ROBO1: variants seen among roughly 807,000 people sequenced by gnomAD.
ROBO1 encodes roundabout guidance receptor 1, also known as roundabout homolog 1.
A neutral mutation model predicts 195.9 loss-of-function variants in ROBO1; 149 were observed. The observed-to-expected ratio is 0.76, with a 90% confidence interval of 0.67 to 0.87. The LOEUF (loss-of-function observed/expected upper bound fraction) is 0.87, where lower values mean the gene tolerates loss of function less well. Ranked by LOEUF, ROBO1 falls within the 40% of genes least tolerant of loss-of-function variation. The pLI is 0.00. For synonymous variants in ROBO1, 816 were observed against 733.2 expected, an observed-to-expected ratio of 1.11 and a Z score of -1.82; for missense variants, 1,933 against 2,068.3, an observed-to-expected ratio of 0.93 and a Z score of 1.27.
Position 78,904,825 on chromosome 3 carries a change from T to C in ROBO1, c.499+33776A>G, listed in dbSNP as rs143873077. Among the ~76,000 whole-genome samples the C allele has an allele frequency of 4.3e-3, 650 of 151,848 alleles. 5 individuals are homozygous for C. The highest frequency in any genetic ancestry group is 0.015 in the African/African-American group (629 of 41,486). On this transcript the variant is annotated intron_variant, in intron 4 of 30. Coordinates refer to ENST00000464233, the MANE Select transcript of ROBO1 (RefSeq NM_002941.4). ...TGGAATTCAGCAAAATAATGAAACA[T>C]AGAAATTAAGAGAAGAAATTCTACT...
At chr3:78,920,818 T>A in intron 4 of ROBO1, among the ~76,000 whole-genome samples, 1 of 151,784 alleles carries the variant, frequency 6.6e-6, no homozygotes, top group East Asian at 1.9e-4. Context: ...TCAGCTGATT[T>A]TATTTTTTTA....
At chr3:79,124,545 C>T (rs937459636) in intron 3 of ROBO1, among the ~76,000 whole-genome samples, 1 of 152,036 alleles carries the variant, frequency 6.6e-6, no homozygotes, top group African/African-American at 2.4e-5. Context: ...CAGAAGAGGA[C>T]TCTATCATCT....
intron 3 of ROBO1, among the ~76,000 whole-genome samples, chr3:78,975,470 G>A (rs915790717): frequency 2.6e-5 from 4 of 152,046 alleles, no homozygotes; most frequent in African/African-American, 9.7e-5. Flanking sequence ...AATGAGAATT[G>A]GTTCTTGGAG....
chr3:78,944,716 T>C (rs537418833), intron 3 of ROBO1, among the ~76,000 whole-genome samples: 130 of 152,158 alleles, frequency 8.5e-4, no homozygotes, highest in Non-Finnish European at 1.6e-3. Flanking sequence ...GAGAGAGGCA[T>C]TGCCTAACCC....
intron 1 of ROBO1, among the ~76,000 whole-genome samples, chr3:79,693,383 TTGTGTGTGTGTG>T (rs55667736): frequency 0.02 from 2,888 of 145,222 alleles, 72 homozygotes; most frequent in East Asian, 0.098. Flanking sequence ...ATATAGAGAT[TTGTGTGTGTGTG>T]TGTGTGTGTG....
intron 1 of ROBO1, among the ~76,000 whole-genome samples, chr3:79,616,854 G>A (rs1442152062): frequency 6.6e-6 from 1 of 152,100 alleles, no homozygotes; most frequent in African/African-American, 2.4e-5. Context: ...ACGAAGGGTT[G>A]TGCTCATGTC....
intron 4 of ROBO1, among the ~76,000 whole-genome samples, chr3:78,896,282 T>G (rs1433092889): frequency 1.3e-5 from 2 of 152,042 alleles, no homozygotes; most frequent in Non-Finnish European, 2.9e-5. Flanking sequence ...GTAACAACAC[T>G]CAACAAGCTA....
At chr3:79,310,507 A>G (rs776503128) in intron 2 of ROBO1, among the ~76,000 whole-genome samples, 3 of 152,150 alleles carry the variant, frequency 2.0e-5, no homozygotes, top group Non-Finnish European at 4.4e-5. Context: ...TCTACCATCC[A>G]ATATAACTCT....
In ROBO1 at chr3:78,735,016, G is replaced by C. The variant is rs558088767; in HGVS notation, c.657+11727C>G. Among the ~76,000 whole-genome samples, 103 of 152,172 alleles carry C rather than the reference G, an allele frequency of 6.8e-4. 1 individual carries two copies. Among genetic ancestry groups the C allele is most frequent in the Middle Eastern group, 3.4e-3 (1 of 294 alleles). On this transcript the variant is annotated intron_variant, in intron 5 of 30. Coordinates refer to ENST00000464233, the MANE Select transcript of ROBO1 (RefSeq NM_002941.4). ...GATTATACATTATAAAGCCCATAAA[G>C]GTATATATCTTACACATTGAGACTT...
At chr3:78,704,531 C>T (rs1267012759) in intron 8 of ROBO1, among the ~76,000 whole-genome samples, 1 of 151,800 alleles carries the variant, frequency 6.6e-6, no homozygotes, top group East Asian at 1.9e-4. Flanking sequence ...TATTGTTTCA[C>T]TTTTACCTAA....
At chr3:79,157,505 G>A (rs2080880388) in intron 2 of ROBO1, among the ~76,000 whole-genome samples, 1 of 151,894 alleles carries the variant, frequency 6.6e-6, no homozygotes, top group South Asian at 2.1e-4. Context: ...ATTTTAAGTA[G>A]CTTCTGCCAT....
chr3:78,921,092 T>C (rs891025778), intron 4 of ROBO1, among the ~76,000 whole-genome samples: 1 of 152,170 alleles, frequency 6.6e-6, no homozygotes, highest in African/African-American at 2.4e-5. Context: ...TTAATAAACA[T>C]AAATCAGTGC....
chr3:79,087,147 GAGGGAATTCC>G (rs2079386319), intron 3 of ROBO1, among the ~76,000 whole-genome samples: 1 of 152,032 alleles, frequency 6.6e-6, no homozygotes, highest in Non-Finnish European at 1.5e-5. Context: ...TTAAAACATA[GAGGGAATTCC>G]AGGCATTTGT....
chr3:78,882,416 T>G (rs544005391), intron 4 of ROBO1, among the ~76,000 whole-genome samples: 2 of 152,318 alleles, frequency 1.3e-5, no homozygotes, highest in South Asian at 4.1e-4. Context: ...ACAACGCCAC[T>G]GTGTACTGCC....
At chr3:79,297,475 T>C (rs2032655864) in intron 2 of ROBO1, among the ~76,000 whole-genome samples, 1 of 152,152 alleles carries the variant, frequency 6.6e-6, no homozygotes, top group Non-Finnish European at 1.5e-5. Flanking sequence ...TCAGTAAGTA[T>C]CATGGTATGT....
chr3:79,662,446 G>C (rs1255808211), intron 1 of ROBO1, among the ~76,000 whole-genome samples: 3 of 151,688 alleles, frequency 2.0e-5, no homozygotes, highest in East Asian at 3.9e-4. Flanking sequence ...TTTATTTTTT[G>C]CTGAAATCCT....
At chr3:79,671,354 TCC>T (rs1198657926) in intron 1 of ROBO1, among the ~76,000 whole-genome samples, 1 of 151,758 alleles carries the variant, frequency 6.6e-6, no homozygotes, top group Non-Finnish European at 1.5e-5. Flanking sequence ...GAATGAAAAA[TCC>T]AGAGAAAACA....
chr3:79,429,407 T>A (rs1195452734), intron 2 of ROBO1, among the ~76,000 whole-genome samples: 1 of 152,024 alleles, frequency 6.6e-6, no homozygotes, highest in Non-Finnish European at 1.5e-5. Context: ...AAGTCTTCAG[T>A]TTTGCTCAAA....
At chr3:79,427,819 A>G (rs1369733711) in intron 2 of ROBO1, among the ~76,000 whole-genome samples, 2 of 152,172 alleles carry the variant, frequency 1.3e-5, no homozygotes, top group Non-Finnish European at 2.9e-5. Flanking sequence ...TAAATTTAAC[A>G]CTTCAAACTA....
Sources: allele counts gnomAD v4.1 joint callset (sites outside exome capture counted in the v4.1 genomes callset), GRCh38; gene constraint gnomAD v4.1.1; transcripts MANE v1.5; gene names NCBI Gene and HGNC (gene_info 2026-07-23, HGNC 2026-07-21).